The following NOL4 variants were observed in gnomAD, a reference collection of about 807,000 sequenced individuals.
NOL4 encodes the protein nucleolar protein 4.
Under a neutral mutation model 75.9 loss-of-function variants are expected in NOL4, and 17 were observed. The observed-to-expected ratio is 0.22, with a 90% CI of 0.15 to 0.34. The LOEUF is 0.34. NOL4 is among the 10% of genes least tolerant of loss of function. The pLI, the probability that NOL4 is intolerant of heterozygous loss-of-function variation, is 1.00. For missense variants in NOL4, 614 were observed against 793.5 expected, an observed-to-expected ratio of 0.77 and a Z score of 2.72; for synonymous variants, 292 against 289.9, an observed-to-expected ratio of 1.01 and a Z score of -0.07.
intron 2 of NOL4, among the ~76,000 whole-genome samples, chr18:34,120,745 A>T (rs2080102429): frequency 6.6e-6 from 1 of 152,190 alleles, no homozygotes; most frequent in South Asian, 2.1e-4. Flanking sequence ...AAATGGTACA[A>T]GTGCTAGACC....
At chr18:33,933,383 A>T (rs1438752029) in intron 9 of NOL4, among the ~76,000 whole-genome samples, 1 of 152,140 alleles carries the variant, frequency 6.6e-6, no homozygotes, top group African/African-American at 2.4e-5. Context: ...TGGTTGTGAC[A>T]ATTTCTTAAA....
At chr18:34,163,900 T>G (rs1600767131) in intron 1 of NOL4, among the ~76,000 whole-genome samples, 1 of 152,014 alleles carries the variant, frequency 6.6e-6, no homozygotes, top group African/African-American at 2.4e-5. Context: ...GAGATATAGA[T>G]CAATGGAACG....
At chr18:34,102,202 T>C (rs1192620958) in intron 4 of NOL4, among the ~76,000 whole-genome samples, 4 of 152,082 alleles carry the variant, frequency 2.6e-5, no homozygotes, top group Non-Finnish European at 5.9e-5. Flanking sequence ...CTTATATACC[T>C]ATGGCCATTA....
At chr18:34,047,993 G>C (rs1056102391) in intron 5 of NOL4, among the ~76,000 whole-genome samples, 1 of 152,024 alleles carries the variant, frequency 6.6e-6, no homozygotes, top group Non-Finnish European at 1.5e-5. Flanking sequence ...CTTCTAAATG[G>C]ATTTTTAAAA....
chr18:33,906,491 T>C (rs934693415), intron 9 of NOL4, among the ~76,000 whole-genome samples: 2 of 152,118 alleles, frequency 1.3e-5, no homozygotes, highest in African/African-American at 2.4e-5. Flanking sequence ...CTGAAAGAGT[T>C]TGGAATCAGA....
chr18:33,982,487 T>C (rs1307667169), intron 6 of NOL4, among the ~76,000 whole-genome samples: 2 of 152,106 alleles, frequency 1.3e-5, no homozygotes, highest in Non-Finnish European at 2.9e-5. Context: ...TAATGATAAA[T>C]GGGTCAATTC....
intron 2 of NOL4, among the ~76,000 whole-genome samples, chr18:34,116,707 A>G (rs1226277081): frequency 6.6e-6 from 1 of 152,230 alleles, no homozygotes; most frequent in East Asian, 1.9e-4. Flanking sequence ...AAAATTTAAT[A>G]ACAAATTGTT....
intron 9 of NOL4, among the ~76,000 whole-genome samples, chr18:33,924,454 T>C (rs1157563077): frequency 1.3e-5 from 2 of 152,186 alleles, no homozygotes; most frequent in Non-Finnish European, 2.9e-5. Context: ...TATTGGGCCA[T>C]CTATTACCAT....
At chr18:34,108,326 C>T (rs2079412106) in intron 2 of NOL4, among the ~76,000 whole-genome samples, 1 of 151,708 alleles carries the variant, frequency 6.6e-6, no homozygotes, top group Admixed American at 6.6e-5. Context: ...AGTAAAATGG[C>T]AGTAGTAAGT....
At chr18:34,049,700 T>C (rs1305144294) in intron 5 of NOL4, among the ~76,000 whole-genome samples, 3 of 152,098 alleles carry the variant, frequency 2.0e-5, no homozygotes, top group African/African-American at 7.2e-5. Flanking sequence ...GGAGCATCTA[T>C]TCCTGCATAC....
chr18:33,990,310 C>T (rs1473621869), intron 6 of NOL4, among the ~76,000 whole-genome samples: 3 of 151,996 alleles, frequency 2.0e-5, no homozygotes, highest in Non-Finnish European at 2.9e-5. Context: ...CTGAAACATC[C>T]TATTATGCTG....
intron 8 of NOL4, among the ~76,000 whole-genome samples, chr18:33,954,252 T>C (rs560333290): frequency 1.3e-5 from 2 of 152,146 alleles, no homozygotes; most frequent in Non-Finnish European, 2.9e-5. Flanking sequence ...GTAAAAAATG[T>C]CTATACGTGT....
chr18:33,969,305 AT>A (rs1271024134), intron 6 of NOL4, among the ~76,000 whole-genome samples: 2 of 152,110 alleles, frequency 1.3e-5, no homozygotes, highest in African/African-American at 4.8e-5. Context: ...ACTGAAGTTT[AT>A]TGCAACTCAC....
chr18:34,107,457 C>T (rs537442306), intron 2 of NOL4, among the ~76,000 whole-genome samples: 25 of 151,884 alleles, frequency 1.6e-4, no homozygotes, highest in East Asian at 5.8e-4. Context: ...AAGATAAAAG[C>T]GCTTATTTGG....
At chr18:33,920,118 A>T (rs891136943) in intron 9 of NOL4, among the ~76,000 whole-genome samples, 3 of 152,120 alleles carry the variant, frequency 2.0e-5, no homozygotes, top group African/African-American at 7.2e-5. Context: ...TTTTGATACA[A>T]AATTTCATAT....
intron 9 of NOL4, among the ~76,000 whole-genome samples, chr18:33,886,779 A>C (rs1047409838): frequency 6.9e-6 from 1 of 145,120 alleles, no homozygotes; most frequent in African/African-American, 2.5e-5. Context: ...ATCTATATAT[A>C]TATATCTATA....
At chr18:34,080,929 A>G (rs917973772) in intron 5 of NOL4, among the ~76,000 whole-genome samples, 1 of 152,250 alleles carries the variant, frequency 6.6e-6, no homozygotes, top group Non-Finnish European at 1.5e-5. Context: ...GTAAAAAAAC[A>G]GTTTTCAAAG....
chr18:34,093,170 C>A (rs2078607103), intron 5 of NOL4, among the ~76,000 whole-genome samples: 1 of 151,972 alleles, frequency 6.6e-6, no homozygotes, highest in Non-Finnish European at 1.5e-5. Context: ...ATCACAGAAA[C>A]CAAACTGTAT....
chr18:33,984,670 C>T (rs1262570914), intron 6 of NOL4, among the ~76,000 whole-genome samples: 1 of 152,058 alleles, frequency 6.6e-6, no homozygotes, highest in Admixed American at 6.6e-5. Context: ...GTAAAAGCTC[C>T]CTAAGGCTCT....
Sources: allele counts gnomAD v4.1 joint callset (sites outside exome capture counted in the v4.1 genomes callset), GRCh38; gene constraint gnomAD v4.1.1; transcripts MANE v1.5; gene names NCBI Gene and HGNC (gene_info 2026-07-23, HGNC 2026-07-21).